PAH: variants seen among roughly 807,000 people sequenced by gnomAD.
PAH encodes phenylalanine-4-hydroxylase.
A neutral mutation model predicts 62.0 loss-of-function variants in PAH; 64 were observed. The ratio of observed to expected loss-of-function variants is 1.03; its 90% CI spans 0.84 to 1.27. The LOEUF (loss-of-function observed/expected upper bound fraction) is 1.27. Ranked by LOEUF, PAH falls within the 50% of genes most tolerant of loss-of-function variation. The probability of loss-of-function intolerance (pLI) is 0.00; values close to 1 mark genes in which losing one functional copy is unlikely to be tolerated. For missense variants in PAH, 579 were observed against 542.8 expected (o/e 1.07, Z -0.66); for synonymous variants, 195 against 196.2 (o/e 0.99, Z 0.05).
intron 11 of PAH, among the ~76,000 whole-genome samples, chr12:102,840,793 T>A (rs920768153): frequency 1.3e-5 from 2 of 152,080 alleles, no homozygotes; most frequent in African/African-American, 4.8e-5. Context: ...ATGAAACTAC[T>A]GAATACAATA....
chr12:102,958,172 T>C, intron 1 of PAH: 3 of 1,211,396 alleles, frequency 2.5e-6, no homozygotes, highest in Non-Finnish European at 3.3e-6. Flanking sequence ...GTTCTCTCTG[T>C]GTCCCCCTCG....
At chr12:102,874,945 G>A (rs1876501353) in intron 4 of PAH, among the ~76,000 whole-genome samples, 1 of 152,158 alleles carries the variant, frequency 6.6e-6, no homozygotes, top group Admixed American at 6.5e-5. Context: ...GGATGCAACG[G>A]GACAGAGAGA....
rs139451278 is a variant in PAH at position 102,943,176 on chromosome 12, C to G, written c.-96+7413G>C. Among the ~76,000 whole-genome samples the G allele has an allele frequency of 1.9e-3, 283 of 152,056 alleles. 1 individual carries two copies. The highest frequency in any genetic ancestry group is 3.4e-3 in the Middle Eastern group (1 of 294). On this transcript the variant is annotated intron_variant, in intron 1 of 3. Transcript: ENST00000546844. The stretch of plus-strand genomic sequence containing the variant: ...AGAAAATATTTGCAAACTACGCATC[C>G]AACAAAGGTCTAATATTCAGATTCT...
chr12:102,944,054 GT>G (rs551204912), intron 1 of PAH, among the ~76,000 whole-genome samples: 32 of 152,120 alleles, frequency 2.1e-4, no homozygotes, highest in Non-Finnish European at 3.7e-4. Context: ...AGAAAAAATA[GT>G]TTTTTCCCTT....
At chr12:102,920,262 A>G (rs754867275), upstream of PAH, among the ~76,000 whole-genome samples, 8 of 152,208 alleles carry the variant, frequency 5.3e-5, no homozygotes, top group Non-Finnish European at 1.0e-4. Flanking sequence ...TTTTTGTTCA[A>G]TTTGGTTGGA....
At chr12:102,840,565 T>C (rs554632886) in intron 11 of PAH, 50 bp from the exon 12 acceptor site, 19 of 1,278,168 alleles carry the variant, frequency 1.5e-5, no homozygotes, top group Non-Finnish European at 2.2e-5. Flanking sequence ...TGGAGAAAGG[T>C]AGTCTTAAGA....
intron 1 of PAH, among the ~76,000 whole-genome samples, chr12:102,930,405 A>T (rs1878817730): frequency 6.6e-6 from 1 of 152,086 alleles, no homozygotes; most frequent in South Asian, 2.1e-4. Context: ...AAGATAGTTA[A>T]TCCACAGTTA....
chr12:102,947,991 G>A (rs1272117653), intron 1 of PAH, among the ~76,000 whole-genome samples: 1 of 152,122 alleles, frequency 6.6e-6, no homozygotes, highest in African/African-American at 2.4e-5. Flanking sequence ...GATTGGATGA[G>A]CCCTACCCAC....
rs1037768593 is a variant in PAH at position 102,838,825 on chromosome 12, C to T, written c.*350G>A. On this transcript the variant is annotated 3_prime_UTR_variant, in exon 13 of 13. Coordinates refer to ENST00000553106, the MANE Select transcript of PAH (RefSeq NM_000277.3). ...GTTTTACATTTAGCCTTATATGCTC[C>T]TTTATGAGTTCTCTGCAAAGCATAT... The T allele has an allele frequency of 1.3e-5, 4 of 303,524 alleles. No homozygotes were observed. The highest frequency in any genetic ancestry group is 2.5e-5 in the Non-Finnish European group (4 of 160,758). The allele number at this position is 303,524 out of a possible 1,614,324, so 18.8% of individuals were successfully genotyped here.
intron 1 of PAH, among the ~76,000 whole-genome samples, chr12:102,949,151 C>T (rs2136773903): frequency 6.6e-6 from 1 of 152,242 alleles, no homozygotes; most frequent in South Asian, 2.1e-4. Context: ...CTGTCGGCGA[C>T]AATGGTGAGT....
rs143011037 is a variant in PAH at position 102,938,141 on chromosome 12, G to A, written c.-96+12448C>T. On this transcript the variant is annotated intron_variant, in intron 1 of 3. Transcript: ENST00000546844. ...AGGAAGCAACAGTGAACCACAGAGA[G>A]CAGAGAGGAATGAGGCAGGACAGCT... is the stretch of plus-strand genomic sequence containing the variant. 6.0e-3 allele frequency among the ~76,000 whole-genome samples: 910 copies of A among 152,338 alleles called. 9 individuals carry two copies. The highest frequency in any genetic ancestry group is 0.02 in the African/African-American group (841 of 41,580).
intron 5 of PAH, among the ~76,000 whole-genome samples, chr12:102,864,805 C>CA (rs3062691): frequency 0.043 from 5,710 of 131,824 alleles, 374 homozygotes; most frequent in African/African-American, 0.13. Context: ...ATAGAATCTG[C>CA]AAAAAAAAAA....
At chr12:102,855,409 G>T in intron 5 of PAH, 77 bp from the exon 6 acceptor site, 1 of 1,154,262 alleles carries the variant, frequency 8.7e-7, no homozygotes. Context: ...AGCAGAGGGA[G>T]TCGGGGACCA....
intron 3 of PAH, among the ~76,000 whole-genome samples, chr12:102,891,413 A>C (rs1231772373): frequency 6.6e-6 from 1 of 152,204 alleles, no homozygotes; most frequent in Non-Finnish European, 1.5e-5. Context: ...GTAGGGCTGC[A>C]TGACCTCTCA....
At chr12:102,924,653 A>G (rs1221367256) in intron 1 of PAH, among the ~76,000 whole-genome samples, 3 of 152,164 alleles carry the variant, frequency 2.0e-5, no homozygotes, top group East Asian at 3.8e-4. Context: ...ACTTGTTTCC[A>G]TGCCAAGGTA....
intron 1 of PAH, among the ~76,000 whole-genome samples, chr12:102,942,171 C>T (rs1379241460): frequency 6.6e-6 from 1 of 152,058 alleles, no homozygotes; most frequent in Non-Finnish European, 1.5e-5. Flanking sequence ...AAGAAAACCC[C>T]ATTGTGTCTG....
intron 1 of PAH, among the ~76,000 whole-genome samples, chr12:102,938,680 C>G (rs962327338): frequency 6.6e-6 from 1 of 152,224 alleles, no homozygotes; most frequent in Non-Finnish European, 1.5e-5. Flanking sequence ...CCCTTAGTTG[C>G]TGCTGCTTGC....
At position 102,838,902 on chromosome 12, in the gene PAH, C is replaced by T. The variant is rs897449286; in HGVS notation, c.*273G>A. ...AATTTTAATTAATCTTGATGAAATG[C>T]GACAGATTACTGATTTAACTCAATT... is the stretch of plus-strand genomic sequence containing the variant. On this transcript the variant is annotated 3_prime_UTR_variant, in exon 13 of 13. Transcript: ENST00000553106. 5.1e-5 allele frequency: 25 copies of T among 489,904 alleles called. No individual in the cohort carries two copies. Among genetic ancestry groups the T allele is most frequent in the East Asian group, 7.1e-5 (2 of 28,228 alleles). The allele number at this position is 489,904 out of a possible 1,614,324, so 30.3% of individuals were successfully genotyped here. A position where few individuals can be genotyped will look rare whatever the true frequency, so the allele number is the denominator to read the frequency against.
Position 102,846,956 on chromosome 12 carries a change from A to G in PAH, c.913-5T>C, listed in dbSNP as rs62507264. 6.8e-6 allele frequency: 11 copies of G among 1,612,564 alleles called. No individual in the cohort carries two copies. The African/African-American group carries it at 9.4e-5, about 14-fold the overall frequency. ...CAGAGAGGCAAGGCCAATTTCCTGT[A>G]ATTGGGGGAAAATAGAACCTGTTCT... On this transcript the variant is annotated splice_polypyrimidine_tract_variant and splice_region_variant and intron_variant, in intron 8 of 12. Coordinates refer to ENST00000553106, the MANE Select transcript of PAH (RefSeq NM_000277.3).
Sources: allele counts gnomAD v4.1 joint callset (sites outside exome capture counted in the v4.1 genomes callset), GRCh38; gene constraint gnomAD v4.1.1; transcripts MANE v1.5; gene names NCBI Gene and HGNC (gene_info 2026-07-23, HGNC 2026-07-21).